Variants in NUP160 observed in about 807,000 individuals in gnomAD.
NUP160 encodes the protein nuclear pore complex protein Nup160.
In NUP160, 94 loss-of-function variants were observed where a neutral mutation model predicts 196.9. That is an observed-to-expected ratio of 0.48 (90% CI 0.40 to 0.57). The LOEUF (loss-of-function observed/expected upper bound fraction) is 0.57, where lower values mean the gene tolerates loss of function less well. Among genes scored for constraint, NUP160 ranks in the 20% least tolerant of loss-of-function variants. NUP160 has a pLI of 0.00. For missense variants in NUP160, 1,638 were observed against 1,748.3 expected (o/e 0.94, Z 1.13); for synonymous variants, 605 against 619.7 (o/e 0.98, Z 0.35).
chr11:47,798,410 A>T, exon 24 of NUP160: 1 of 1,612,042 alleles, frequency 6.2e-7, no homozygotes, highest in South Asian at 1.1e-5. Flanking sequence ...TGGCTGATGT[A>T]GCCAACTGAA....
At chr11:47,792,420 T>C (rs2097668407) in intron 28 of NUP160, 2 of 224,432 alleles carry the variant, frequency 8.9e-6, no homozygotes, top group African/African-American at 2.3e-5. Flanking sequence ...GGCCAGGCAC[T>C]GTTACTGTTC....
At chr11:47,813,840 AGTGG>A (rs1184333060) in intron 13 of NUP160, among the ~76,000 whole-genome samples, 3 of 151,582 alleles carry the variant, frequency 2.0e-5, no homozygotes, top group Admixed American at 2.0e-4. Context: ...GGGAGGCTGA[AGTGG>A]GTGGATCACG....
chr11:47,811,483 A>AG (rs2097681079), intron 17 of NUP160, among the ~76,000 whole-genome samples: 1 of 150,114 alleles, frequency 6.7e-6, no homozygotes, highest in African/African-American at 2.5e-5. Flanking sequence ...GATTGTCTCA[A>AG]GAAAAAAAAA....
chr11:47,826,568 C>G (rs1249023029), intron 7 of NUP160, among the ~76,000 whole-genome samples: 1 of 151,576 alleles, frequency 6.6e-6, no homozygotes, highest in African/African-American at 2.4e-5. Context: ...AATCCCCCCC[C>G]CCTTTTTTTT....
At chr11:47,792,492 C>T (rs547624337) in intron 28 of NUP160, 329 of 289,228 alleles carry the variant, frequency 1.1e-3, no homozygotes, top group Non-Finnish European at 1.8e-3. Context: ...AGATATTATC[C>T]GTATTTTATG....
At chr11:47,848,430 A>C (rs1275253569) in exon 1 of NUP160, 31 of 1,539,792 alleles carry the variant, frequency 2.0e-5, no homozygotes, top group Non-Finnish European at 2.4e-5. Flanking sequence ...TTCCGGGAGC[A>C]GAAAGGCGGC....
intron 4 of NUP160, 142 bp from the exon 5 acceptor site, chr11:47,837,765 T>C: frequency 1.7e-6 from 1 of 599,302 alleles, no homozygotes; most frequent in Non-Finnish European, 3.0e-6. Context: ...GTAACTTTCC[T>C]GCATATATCA....
chr11:47,816,005 T>C, exon 12 of NUP160: 1 of 1,613,390 alleles, frequency 6.2e-7, no homozygotes. Flanking sequence ...AGATCCAAAT[T>C]CCTCTCAGTT....
intron 7 of NUP160, among the ~76,000 whole-genome samples, chr11:47,825,562 C>G (rs1851950822): frequency 6.6e-6 from 1 of 151,506 alleles, no homozygotes; most frequent in African/African-American, 2.4e-5. Flanking sequence ...AAGCAATTCT[C>G]CTGCCTCAGC....
intron 4 of NUP160, among the ~76,000 whole-genome samples, chr11:47,838,112 G>A: frequency 6.6e-6 from 1 of 152,208 alleles, no homozygotes; most frequent in East Asian, 1.9e-4. Flanking sequence ...CAGGATATAG[G>A]GAGGGCAGGC....
intron 32 of NUP160, among the ~76,000 whole-genome samples, chr11:47,786,189 T>C (rs1316932964): frequency 6.6e-6 from 1 of 152,156 alleles, no homozygotes; most frequent in Admixed American, 6.6e-5. Flanking sequence ...TTTTTGCCTG[T>C]AAGAGTACCC....
At chr11:47,837,413 T>A (rs943778075) in intron 5 of NUP160, 132 bp downstream of exon 5, 1 of 704,484 alleles carries the variant, frequency 1.4e-6, no homozygotes, top group African/African-American at 1.8e-5. Flanking sequence ...AGATGGAATT[T>A]AATGTTATTC....
intron 31 of NUP160, among the ~76,000 whole-genome samples, 181 bp from the exon 32 acceptor site, chr11:47,786,735 A>G (rs964926588): frequency 1.3e-5 from 2 of 152,220 alleles, no homozygotes; most frequent in Admixed American, 1.3e-4. Flanking sequence ...GAACATGAGT[A>G]AGCATTAAGA....
intron 27 of NUP160, 29 bp downstream of exon 27, chr11:47,797,750 G>T: frequency 6.8e-7 from 1 of 1,479,458 alleles, no homozygotes; most frequent in Non-Finnish European, 9.5e-7. Context: ...AAGGCTGTCT[G>T]CAAGATACTG....
chr11:47,842,715 T>C (rs1247974271), intron 2 of NUP160, among the ~76,000 whole-genome samples: 1 of 152,134 alleles, frequency 6.6e-6, no homozygotes, highest in African/African-American at 2.4e-5. Context: ...CAGGGCCAGG[T>C]ACAATAGCTC....
At chr11:47,821,970 T>C (rs1295109792) in intron 8 of NUP160, 117 bp downstream of exon 8, 1 of 984,564 alleles carries the variant, frequency 1.0e-6, no homozygotes, top group African/African-American at 1.6e-5. Flanking sequence ...GAAATTTTGT[T>C]CCATATATCA....
intron 19 of NUP160, 105 bp downstream of exon 19, chr11:47,806,965 G>A (rs998846468): frequency 1.3e-6 from 1 of 764,256 alleles, no homozygotes; most frequent in Admixed American, 2.3e-5. Flanking sequence ...TGAAAGCAAA[G>A]AGCCTAGCCA....
chr11:47,781,270 CT>C (rs553724785), intron 34 of NUP160, among the ~76,000 whole-genome samples: 6 of 148,280 alleles, frequency 4.0e-5, no homozygotes, highest in East Asian at 4.0e-4. Flanking sequence ...TGTCAACTTT[CT>C]TTTTTTTTTC....
chr11:47,816,330 G>A (rs1209228956), intron 11 of NUP160, among the ~76,000 whole-genome samples: 1 of 152,236 alleles, frequency 6.6e-6, no homozygotes, highest in East Asian at 1.9e-4. Context: ...AGTGGAGGTA[G>A]AGACAATTAA....
Sources: gnomAD v4.1 joint callset for allele counts (sites outside exome capture counted in the v4.1 genomes callset) on GRCh38, gnomAD v4.1.1 for gene constraint, MANE v1.5 for transcripts, NCBI Gene and HGNC (gene_info 2026-07-23, HGNC 2026-07-21) for gene names.